The following SLC8A3 variants were observed in gnomAD, a reference collection of about 807,000 sequenced individuals.
The protein encoded by SLC8A3 is solute carrier family 8 member A3, also known as sodium/calcium exchanger 3.
A neutral mutation model predicts 65.4 loss-of-function variants in SLC8A3; 37 were observed. The ratio of observed to expected loss-of-function variants is 0.57; its 90% CI spans 0.44 to 0.74. The LOEUF (loss-of-function observed/expected upper bound fraction) is 0.74. Ranked by LOEUF, SLC8A3 falls within the 30% of genes least tolerant of loss-of-function variation. SLC8A3 has a pLI of 0.00. For synonymous variants in SLC8A3, 461 were observed against 444.5 expected (o/e 1.04, Z -0.47); for missense variants, 1,112 against 1,172.1 (o/e 0.95, Z 0.75).
intron 6 of SLC8A3, 104 bp downstream of exon 6, chr14:70,048,663 T>G: frequency 9.9e-7 from 1 of 1,015,110 alleles, no homozygotes; most frequent in Non-Finnish European, 1.5e-6. Context: ...GAGGCTCTGT[T>G]AAGTTCAGAT....
chr14:70,174,469 G>A (rs1028416558), intron 1 of SLC8A3, among the ~76,000 whole-genome samples: 2 of 151,984 alleles, frequency 1.3e-5, no homozygotes, highest in African/African-American at 4.8e-5. Context: ...GAAGTGAAGG[G>A]ACACATTTTA....
intron 2 of SLC8A3, among the ~76,000 whole-genome samples, chr14:70,098,329 C>T (rs1459934515): frequency 1.3e-5 from 2 of 151,924 alleles, no homozygotes; most frequent in African/African-American, 4.8e-5. Context: ...TCTGCCTATA[C>T]AGTCACCTCC....
intron 6 of SLC8A3, chr14:70,047,248 T>G (rs1193926198): frequency 6.6e-6 from 1 of 152,216 alleles, no homozygotes; most frequent in Non-Finnish European, 1.5e-5. Context: ...ACCTCATTAT[T>G]GCCATTTTTT....
chr14:70,065,692 T>C (rs1395839188), intron 2 of SLC8A3, among the ~76,000 whole-genome samples: 1 of 152,238 alleles, frequency 6.6e-6, no homozygotes, highest in African/African-American at 2.4e-5. Context: ...GTTTCATAAA[T>C]AGCAACCATT....
intron 2 of SLC8A3, among the ~76,000 whole-genome samples, chr14:70,163,583 C>T (rs919054130): frequency 1.3e-5 from 2 of 152,198 alleles, no homozygotes; most frequent in South Asian, 2.1e-4. Flanking sequence ...CTATCCATTT[C>T]GGTTTCCAGA....
chr14:70,083,191 T>C (rs1273496655), intron 2 of SLC8A3, among the ~76,000 whole-genome samples: 1 of 152,232 alleles, frequency 6.6e-6, no homozygotes, highest in Non-Finnish European at 1.5e-5. Flanking sequence ...CGTAGAGTGA[T>C]TGTTTTTCCA....
chr14:70,126,098 G>C (rs1442329786), intron 2 of SLC8A3, among the ~76,000 whole-genome samples: 1 of 152,152 alleles, frequency 6.6e-6, no homozygotes, highest in Non-Finnish European at 1.5e-5. Context: ...CTCTTACCTT[G>C]GGGGATCCAA....
intron 2 of SLC8A3, among the ~76,000 whole-genome samples, chr14:70,132,916 T>G (rs967051842): frequency 2.0e-5 from 3 of 152,156 alleles, no homozygotes; most frequent in Non-Finnish European, 2.9e-5. Flanking sequence ...CCCCTCTCTC[T>G]GCTGCCTGCC....
intron 5 of SLC8A3, among the ~76,000 whole-genome samples, chr14:70,049,870 G>A (rs997659160): frequency 1.3e-5 from 2 of 152,200 alleles, no homozygotes; most frequent in African/African-American, 4.8e-5. Flanking sequence ...ACATCTCATG[G>A]GAAAAAGCAG....
chr14:70,100,857 C>A (rs780973895), intron 2 of SLC8A3, among the ~76,000 whole-genome samples: 1 of 152,334 alleles, frequency 6.6e-6, no homozygotes, highest in East Asian at 1.9e-4. Context: ...GTACTATGAG[C>A]ATTGCCAAAT....
At chr14:70,135,087 A>G (rs1895096516) in intron 2 of SLC8A3, among the ~76,000 whole-genome samples, 1 of 152,250 alleles carries the variant, frequency 6.6e-6, no homozygotes, top group Non-Finnish European at 1.5e-5. Flanking sequence ...GAAGACCTGA[A>G]TAGACATTTC....
chr14:70,144,175 G>A (rs1231176242), intron 2 of SLC8A3, among the ~76,000 whole-genome samples: 4 of 152,006 alleles, frequency 2.6e-5, no homozygotes, highest in Non-Finnish European at 4.4e-5. Flanking sequence ...ATACATTCTG[G>A]TCTATGGGAC....
intron 2 of SLC8A3, among the ~76,000 whole-genome samples, chr14:70,111,160 C>T (rs1396525948): frequency 6.6e-6 from 1 of 152,208 alleles, no homozygotes; most frequent in Admixed American, 6.5e-5. Context: ...TTTCTTCACA[C>T]CCTCGTCAGC....
At chr14:70,057,294 GTAGATAGATAGATAGA>G (rs3052660) in intron 3 of SLC8A3, among the ~76,000 whole-genome samples, 112 of 149,580 alleles carry the variant, frequency 7.5e-4, no homozygotes, top group African/African-American at 2.6e-3. Flanking sequence ...AGGCAGATAG[GTAGATAGATAGATAGA>G]TAGATAGATA....
intron 3 of SLC8A3, 140 bp downstream of exon 3, chr14:70,060,696 T>A (rs938308215): frequency 1.4e-5 from 11 of 762,352 alleles, no homozygotes; most frequent in Non-Finnish European, 1.7e-5. Context: ...AATCCATTGG[T>A]CAAAAAGAGA....
chr14:70,103,878 G>A (rs1892689967), intron 2 of SLC8A3, among the ~76,000 whole-genome samples: 1 of 152,032 alleles, frequency 6.6e-6, no homozygotes. Context: ...ACTGCATACT[G>A]TCTACAAGAC....
At chr14:70,088,851 C>G (rs545832598) in intron 2 of SLC8A3, among the ~76,000 whole-genome samples, 102 of 152,298 alleles carry the variant, frequency 6.7e-4, no homozygotes, top group African/African-American at 2.3e-3. Context: ...ACCCCCATTT[C>G]CAATCAGGAA....
At chr14:70,183,278 T>C (rs1166454611) in intron 1 of SLC8A3, among the ~76,000 whole-genome samples, 1 of 152,234 alleles carries the variant, frequency 6.6e-6, no homozygotes, top group Non-Finnish European at 1.5e-5. Context: ...TTATTAGATA[T>C]GATTCTGTAT....
intron 5 of SLC8A3, among the ~76,000 whole-genome samples, 187 bp from the exon 6 acceptor site, chr14:70,049,229 A>T (rs779577757): frequency 6.6e-6 from 1 of 152,232 alleles, no homozygotes; most frequent in Non-Finnish European, 1.5e-5. Flanking sequence ...GGGCTGCCTC[A>T]TAGGTCAATT....
Sources: allele counts gnomAD v4.1 joint callset (sites outside exome capture counted in the v4.1 genomes callset), GRCh38; gene constraint gnomAD v4.1.1; transcripts MANE v1.5; gene names NCBI Gene and HGNC (gene_info 2026-07-23, HGNC 2026-07-21).